Variants in LINC00632 observed in about 807,000 individuals in gnomAD.
The protein encoded by LINC00632 is long independently transcribed non-coding RNA 632, also known as ALDOA related specific transcript.
chrX:140,773,187 GAGAAA>G (rs1034706815), exon 4 of LINC00632, among the ~76,000 whole-genome samples: 1 of 107,096 alleles, frequency 9.3e-6, no homozygotes, highest in African/African-American at 3.6e-5. Flanking sequence ...AAGAAGAGAA[GAGAAA>G]AGAGAAGAGA....
intron 2 of LINC00632, among the ~76,000 whole-genome samples, chrX:140,723,664 T>TAC (rs1461168228): frequency 0.09 from 76 of 844 alleles, no homozygotes; most frequent in East Asian, 0.2. Flanking sequence ...ACACATTCCA[T>TAC]ATACACACAT....
At chrX:140,725,829 A>G (rs1236794603) in intron 2 of LINC00632, among the ~76,000 whole-genome samples, 1 of 111,900 alleles carries the variant, frequency 8.9e-6, no homozygotes, top group Non-Finnish European at 1.9e-5. Flanking sequence ...TCTTCATAAC[A>G]TGAAGGCTTA....
At chrX:140,775,113 C>G in exon 5 of LINC00632, among the ~76,000 whole-genome samples, 1 of 111,660 alleles carries the variant, frequency 9.0e-6, no homozygotes, top group East Asian at 2.8e-4. Flanking sequence ...GGAACAGCTG[C>G]TAGAGTTCAT....
chrX:140,727,715 A>C (rs367982080), intron 2 of LINC00632, among the ~76,000 whole-genome samples: 1 of 112,114 alleles, frequency 8.9e-6, no homozygotes, highest in East Asian at 2.8e-4. Flanking sequence ...AGAGTACTAC[A>C]CATATTCCTC....
chrX:140,761,024 A>C (rs955534224), intron 3 of LINC00632, among the ~76,000 whole-genome samples: 3 of 112,479 alleles, frequency 2.7e-5, no homozygotes, highest in Non-Finnish European at 3.8e-5. Flanking sequence ...AAGTGTGACT[A>C]TCTGCAAGTA....
chrX:140,714,536 G>C (rs1930582601), intron 2 of LINC00632: 1 of 112,088 alleles, frequency 8.9e-6, no homozygotes. Flanking sequence ...ACAAATACTT[G>C]CTCCAGCCGG....
intron 3 of LINC00632, among the ~76,000 whole-genome samples, chrX:140,755,295 C>T (rs2144284): frequency 0.28 from 31,336 of 110,740 alleles, 3,543 homozygotes; most frequent in Non-Finnish European, 0.35. Context: ...GTAAATAATC[C>T]TGTGTGTCCA....
chrX:140,759,552 G>C (rs1298971533), intron 3 of LINC00632, among the ~76,000 whole-genome samples: 1 of 108,562 alleles, frequency 9.2e-6, no homozygotes, highest in African/African-American at 3.4e-5. Flanking sequence ...TTACAGGTTG[G>C]GTTTCACTAT....
chrX:140,719,342 G>A (rs1267562240), intron 2 of LINC00632, among the ~76,000 whole-genome samples: 6 of 109,515 alleles, frequency 5.5e-5, no homozygotes, highest in African/African-American at 1.0e-4. Context: ...TCTGTTGCCC[G>A]GGCTGGAGTG....
At chrX:140,750,042 AATAG>A (rs1486936554) in intron 3 of LINC00632, among the ~76,000 whole-genome samples, 1 of 111,036 alleles carries the variant, frequency 9.0e-6, no homozygotes, top group African/African-American at 3.3e-5. Flanking sequence ...TCAATGAATG[AATAG>A]ATAAAGAAAA....
intron 2 of LINC00632, among the ~76,000 whole-genome samples, chrX:140,718,473 C>T (rs1239332575): frequency 4.9e-5 from 5 of 102,955 alleles, no homozygotes; most frequent in Non-Finnish European, 7.9e-5. Context: ...AGTGCAGTGG[C>T]GTGATCTCGG....
At chrX:140,714,319 G>A (rs753165426) in intron 2 of LINC00632, 19 of 122,972 alleles carry the variant, frequency 1.5e-4, no homozygotes, top group Admixed American at 3.3e-4. Context: ...TGCAGAGCAC[G>A]TAGAGTCACC....
intron 3 of LINC00632, among the ~76,000 whole-genome samples, chrX:140,744,085 T>C (rs927129913): frequency 5.4e-5 from 6 of 110,521 alleles, no homozygotes; most frequent in African/African-American, 2.0e-4. Flanking sequence ...TAGGTAGGAG[T>C]ATTTGCATCA....
Position 140,775,857 on chromosome X carries a change from G to C in LINC00632, n.3876G>C, listed in dbSNP as rs777330506. Among the ~76,000 whole-genome samples, 386 of 110,856 alleles carry C rather than the reference G, an allele frequency of 3.5e-3. 1 individual carries two copies. Among genetic ancestry groups the C allele is most frequent in the African/African-American group, 0.012 (367 of 30,455 alleles). On this transcript the variant is annotated non_coding_transcript_exon_variant, in exon 5 of 5. Transcript: ENST00000648200. Reference sequence around the variant, plus strand: ...CAAGCCCACTCAAACGTTGAAATTTGGCATGAGGGAGTCCAGTAACTTTCT... The same window carrying C: ...CAAGCCCACTCAAACGTTGAAATTTCGCATGAGGGAGTCCAGTAACTTTCT...
intron 3 of LINC00632, among the ~76,000 whole-genome samples, chrX:140,771,610 TATACAC>T (rs1159886836): frequency 3.1e-3 from 134 of 43,612 alleles, no homozygotes; most frequent in African/African-American, 6.6e-3. Flanking sequence ...ATTTGGCATA[TATACAC>T]ACACACACAC....
intron 2 of LINC00632, among the ~76,000 whole-genome samples, chrX:140,727,589 G>A (rs1930984791): frequency 9.0e-6 from 1 of 111,386 alleles, no homozygotes; most frequent in Non-Finnish European, 1.9e-5. Flanking sequence ...CACCACGCCC[G>A]ACCGTGAACA....
chrX:140,713,715 C>T (rs1166375906), intron 2 of LINC00632: 2 of 339,257 alleles, frequency 5.9e-6, no homozygotes, highest in Non-Finnish European at 1.2e-5. Context: ...AAAGATGTTC[C>T]CCAGAACACA....
At chrX:140,791,195 A>G (rs1932103157) in exon 5 of LINC00632, among the ~76,000 whole-genome samples, 2 of 111,392 alleles carry the variant, frequency 1.8e-5, no homozygotes, top group South Asian at 3.7e-4. Flanking sequence ...TTATAATTTT[A>G]TCAGGGATGG....
intron 3 of LINC00632, among the ~76,000 whole-genome samples, chrX:140,762,209 AAGAGAGAGAGAGAG>A (rs35880613): frequency 7.4e-5 from 5 of 67,122 alleles, no homozygotes; most frequent in Non-Finnish European, 8.7e-5. Context: ...GTTTTTCGAA[AAGAGAGAGAGAGAG>A]AGAGAGAGAG....
Sources: gnomAD v4.1 joint callset for allele counts (sites outside exome capture counted in the v4.1 genomes callset) on GRCh38, gnomAD v4.1.1 for gene constraint, MANE v1.5 for transcripts, NCBI Gene and HGNC (gene_info 2026-07-23, HGNC 2026-07-21) for gene names.